The following FAM110B variants were observed in gnomAD, a reference collection of about 807,000 sequenced individuals.
The protein encoded by FAM110B is family with sequence similarity 110 member B, also known as protein FAM110B.
Under a neutral mutation model 20.4 loss-of-function variants are expected in FAM110B, and 6 were observed. The ratio of observed to expected loss-of-function variants is 0.29; its 90% confidence interval spans 0.16 to 0.58. The LOEUF is 0.58. Ranked by LOEUF, FAM110B falls within the 20% of genes least tolerant of loss-of-function variation. The pLI is 0.90. For missense variants in FAM110B, 434 were observed against 498.2 expected (o/e 0.87, Z 1.23); for synonymous variants, 226 against 214.1 (o/e 1.06, Z -0.49).
chr8:58,117,121 C>T (rs548035685), intron 3 of FAM110B, among the ~76,000 whole-genome samples: 5 of 152,264 alleles, frequency 3.3e-5, no homozygotes, highest in African/African-American at 7.2e-5. Flanking sequence ...ATCCCTTAAC[C>T]GGTGTGAGGG....
chr8:58,019,924 A>C (rs1460504833), intron 1 of FAM110B, among the ~76,000 whole-genome samples: 1 of 150,178 alleles, frequency 6.7e-6, no homozygotes, highest in Non-Finnish European at 1.5e-5. Context: ...TTTTAATCCT[A>C]TCCTTCCCTC....
chr8:58,104,331 C>G (rs557839241), intron 3 of FAM110B, among the ~76,000 whole-genome samples: 3 of 152,050 alleles, frequency 2.0e-5, no homozygotes, highest in South Asian at 4.2e-4. Flanking sequence ...AGCTAAGATC[C>G]CAAGACAAAG....
rs373621300 is a variant in FAM110B at position 58,108,844 on chromosome 8, T to G, written c.-325+33221T>G. Among the ~76,000 whole-genome samples the G allele has an allele frequency of 1.3e-4, 20 of 152,336 alleles. No individual in the cohort carries two copies. The South Asian group carries it at 4.1e-3, about 32-fold the overall frequency. Reference sequence around the variant, plus strand: ...CTTCCCATACTTCCCAGGAGCTTCATTCCTCCTTCATCTGGGTTCTGGAAG... The same window carrying G: ...CTTCCCATACTTCCCAGGAGCTTCAGTCCTCCTTCATCTGGGTTCTGGAAG... On this transcript the variant is annotated intron_variant, in intron 3 of 3. Transcript: ENST00000519262.
chr8:58,126,232 G>A (rs985922216), intron 3 of FAM110B, among the ~76,000 whole-genome samples: 4 of 150,036 alleles, frequency 2.7e-5, no homozygotes, highest in African/African-American at 9.7e-5. Context: ...TCAATAGTTC[G>A]TTCCTTTTCA....
rs767303162 is a variant in FAM110B, at chr8:58,146,985, G to A, written c.755G>A (p.Arg252Gln). Residue 252 changes from arginine to glutamine, a missense_variant, in exon 4 of 4, where the codon CGA becomes CAA. Arg to Gln is a conservative substitution (Grantham distance 43). Transcript: ENST00000519262. ...GTGGAACCAGCTTGTGGAGTCAGCC[G>A]AAGACCCTCCCTCCAGCGGTCTAAG... ...DPVEPACGVS[R>Q]RPSLQRSKSD... is the part of the protein sequence containing the mutation. The A allele has an allele frequency of 9.3e-6, 15 of 1,614,198 alleles. No homozygotes were observed. In the Admixed American group the frequency reaches 1.5e-4, roughly 16 times the overall value.
At chr8:58,065,829 T>C (rs1483181219) in intron 2 of FAM110B, among the ~76,000 whole-genome samples, 1 of 152,156 alleles carries the variant, frequency 6.6e-6, no homozygotes, top group Non-Finnish European at 1.5e-5. Context: ...GCAGATACTA[T>C]ATGTGACGTT....
At position 58,109,051 on chromosome 8, in the gene FAM110B, T is replaced by C. The variant is rs527457954; in HGVS notation, c.-325+33428T>C. Among the ~76,000 whole-genome samples, 15 of 152,334 alleles carry C rather than the reference T, an allele frequency of 9.8e-5. No homozygotes were observed. In the South Asian group the frequency reaches 2.9e-3, roughly 29 times the overall value. ...TAGCCAGTAAATAGTGGAATTTGGA[T>C]TGAAACACTTTTCCTCTTTTACCTC... On this transcript the variant is annotated intron_variant, in intron 3 of 3. Coordinates refer to ENST00000519262, the MANE Select transcript of FAM110B (RefSeq NM_001377989.1).
intron 3 of FAM110B, among the ~76,000 whole-genome samples, chr8:58,144,753 T>C (rs1803819641): frequency 6.6e-6 from 1 of 152,248 alleles, no homozygotes; most frequent in Non-Finnish European, 1.5e-5. Context: ...GCCCCTTGCT[T>C]TGGAGTGCTG....
intron 3 of FAM110B, among the ~76,000 whole-genome samples, chr8:58,119,303 G>A (rs1313961533): frequency 6.6e-6 from 1 of 152,208 alleles, no homozygotes; most frequent in Non-Finnish European, 1.5e-5. Flanking sequence ...CAAGTTCAAG[G>A]CACCAGCAGA....
In FAM110B at chr8:58,147,019, G is replaced by C. The variant is rs750518242; in HGVS notation, c.789G>C (p.Leu263Phe). Reference protein sequence around the residue: ...RPSLQRSKSDLSDRYFRVDAD... With the variant: ...RPSLQRSKSDFSDRYFRVDAD... ...CCCTCCAGCGGTCTAAGTCAGACTT[G>C]AGTGACAGATATTTCCGAGTGGACG... The change falls in exon 4 of 4, where the codon TTG becomes TTC. Residue 263 changes from leucine to phenylalanine, a missense_variant. This residue lies in a region of FAM110B where 284 missense variants were observed against 278.3 expected (regional missense o/e 1.02). Transcript: ENST00000519262. 3.7e-6 allele frequency: 6 copies of C among 1,614,114 alleles called. No individual in the cohort carries two copies. The highest frequency in any genetic ancestry group is 1.7e-6 in the Non-Finnish European group (2 of 1,180,054).
intron 3 of FAM110B, among the ~76,000 whole-genome samples, chr8:58,112,410 A>G (rs553271550): frequency 6.6e-6 from 1 of 152,378 alleles, no homozygotes; most frequent in Admixed American, 6.5e-5. Context: ...TCCACCTCAC[A>G]TTTGTTTGAA....
chr8:58,013,101 C>G (rs1169419942), intron 1 of FAM110B, among the ~76,000 whole-genome samples: 3 of 152,182 alleles, frequency 2.0e-5, no homozygotes, highest in African/African-American at 4.8e-5. Flanking sequence ...GATGGGTTTT[C>G]TCTAGGATCT....
intron 3 of FAM110B, among the ~76,000 whole-genome samples, chr8:58,101,821 G>A (rs1443730514): frequency 6.6e-6 from 1 of 151,946 alleles, no homozygotes; most frequent in Non-Finnish European, 1.5e-5. Flanking sequence ...TGTACCTCTT[G>A]GTACCCATTT....
chr8:58,018,100 T>C, intron 1 of FAM110B, among the ~76,000 whole-genome samples: 1 of 151,892 alleles, frequency 6.6e-6, no homozygotes, highest in East Asian at 1.9e-4. Context: ...TAGTTAATTG[T>C]TGTTTTTAAA....
intron 2 of FAM110B, among the ~76,000 whole-genome samples, chr8:58,047,982 A>G (rs1805364421): frequency 6.6e-6 from 1 of 152,186 alleles, no homozygotes; most frequent in African/African-American, 2.4e-5. Flanking sequence ...TTATTAGCAT[A>G]AAAGCTTAAT....
chr8:58,122,343 G>A (rs898044428), intron 3 of FAM110B, among the ~76,000 whole-genome samples: 33 of 152,150 alleles, frequency 2.2e-4, no homozygotes, highest in African/African-American at 7.5e-4. Context: ...AGCCCTAGAA[G>A]TACTTGTATC....
intron 3 of FAM110B, among the ~76,000 whole-genome samples, chr8:58,092,100 GCCTT>G (rs552854306): frequency 2.2e-3 from 330 of 152,166 alleles, no homozygotes; most frequent in African/African-American, 7.5e-3. Context: ...TGTTAATTGA[GCCTT>G]CCTTTTTCAT....
intron 1 of FAM110B, among the ~76,000 whole-genome samples, chr8:57,997,385 G>T (rs1157869626): frequency 6.6e-6 from 1 of 152,120 alleles, no homozygotes; most frequent in Non-Finnish European, 1.5e-5. Flanking sequence ...TCGCATTTTA[G>T]GTGCTAGACA....
At chr8:58,096,770 G>A (rs1780317966) in intron 3 of FAM110B, among the ~76,000 whole-genome samples, 1 of 152,174 alleles carries the variant, frequency 6.6e-6, no homozygotes, top group Admixed American at 6.5e-5. Flanking sequence ...TTGCTTGTCT[G>A]TAAAGGATTT....
Sources: allele counts gnomAD v4.1 joint callset (sites outside exome capture counted in the v4.1 genomes callset), GRCh38; gene constraint gnomAD v4.1.1; regional missense constraint gnomAD v4.1.1; transcripts MANE v1.5; gene names NCBI Gene and HGNC (gene_info 2026-07-23, HGNC 2026-07-21).